PCGF3: variants seen among roughly 807,000 people sequenced by gnomAD.
PCGF3 encodes polycomb group ring finger 3, also known as polycomb group RING finger protein 3.
Under a neutral mutation model 33.1 loss-of-function variants are expected in PCGF3, and 7 were observed. The observed-to-expected ratio is 0.21, with a 90% CI of 0.12 to 0.40. The LOEUF (loss-of-function observed/expected upper bound fraction) is 0.40, where lower values mean the gene tolerates loss of function less well. Among genes scored for constraint, PCGF3 ranks in the 10% least tolerant of loss-of-function variants. The pLI, the probability that PCGF3 is intolerant of heterozygous loss-of-function variation, is 1.00. For synonymous variants in PCGF3, 153 were observed against 121.3 expected (o/e 1.26, Z -1.72); for missense variants, 211 against 313.3 (o/e 0.67, Z 2.46).
At position 743,631 on chromosome 4, in the gene PCGF3, T is replaced by A. The variant is rs746808030; in HGVS notation, c.373+47T>A. 13 of 1,114,842 alleles carry A rather than the reference T, an allele frequency of 1.2e-5. No individual in the cohort carries two copies. In the South Asian group the frequency reaches 1.6e-4, roughly 14 times the overall value. 69.1% of individuals were successfully genotyped at this position (1,114,842 alleles called of 1,614,324 possible). On this transcript the variant is annotated intron_variant, in intron 7 of 10. Coordinates refer to ENST00000362003, the Ensembl canonical transcript of PCGF3. ...CCAGAAGCCCCGGGAATCCCCTGCA[T>A]GAGGCCTTTTCTTAAAGAGCTGGCG... is the stretch of plus-strand genomic sequence containing the variant.
chr4:731,180 G>A (rs1415915286), intron 3 of PCGF3, 70 bp downstream of exon 3: 5 of 398,516 alleles, frequency 1.3e-5, no homozygotes, highest in Non-Finnish European at 2.2e-5. Flanking sequence ...TGGTTGTGGC[G>A]AGGGCCGGCG....
At chr4:744,531 C>A (rs989774262) in intron 7 of PCGF3, 69 bp from the exon 8 acceptor site, 17 of 1,136,486 alleles carry the variant, frequency 1.5e-5, no homozygotes, top group Admixed American at 2.0e-5. Context: ...ATTTGGAGTA[C>A]AGTGTAGTTT....
chr4:725,857 C>T (rs1052311320), intron 1 of PCGF3, among the ~76,000 whole-genome samples: 2 of 152,172 alleles, frequency 1.3e-5, no homozygotes, highest in East Asian at 1.9e-4. Context: ...CAGATGATGA[C>T]GGAGCCTCCT....
chr4:716,392 C>T (rs372763165), intron 1 of PCGF3, among the ~76,000 whole-genome samples: 11,806 of 84,774 alleles, frequency 0.14, 1,050 homozygotes, highest in South Asian at 0.22. Flanking sequence ...GAGAACTGGG[C>T]GTCGGTGCTG....
At chr4:765,761 G>A (rs1745333627) in intron 10 of PCGF3, among the ~76,000 whole-genome samples, 1 of 152,140 alleles carries the variant, frequency 6.6e-6, no homozygotes, top group South Asian at 2.1e-4. Flanking sequence ...TGGCAGCCAG[G>A]GCCACATCAG....
chr4:743,623 C>G (rs780369064), intron 7 of PCGF3, 39 bp downstream of exon 7: 1 of 1,206,596 alleles, frequency 8.3e-7, no homozygotes, highest in Non-Finnish European at 1.2e-6. Context: ...CCCCGGGAAT[C>G]CCCTGCATGA....
chr4:740,882 G>A (rs1317470419), intron 6 of PCGF3, among the ~76,000 whole-genome samples: 2 of 152,264 alleles, frequency 1.3e-5, no homozygotes, highest in East Asian at 3.9e-4. Flanking sequence ...GCCTGCCGGT[G>A]GCTTTGGGCA....
At chr4:724,754 C>T (rs567180652) in intron 1 of PCGF3, among the ~76,000 whole-genome samples, 5 of 152,216 alleles carry the variant, frequency 3.3e-5, no homozygotes, top group African/African-American at 4.8e-5. Flanking sequence ...GCCGAGATCA[C>T]GCCACTGCAC....
chr4:714,175 T>G (rs1742704255), intron 1 of PCGF3, among the ~76,000 whole-genome samples: 1 of 152,086 alleles, frequency 6.6e-6, no homozygotes, highest in Non-Finnish European at 1.5e-5. Flanking sequence ...AGCCCCCAAA[T>G]CTGCGAGCGC....
rs373044113 is a variant in PCGF3 at position 738,242 on chromosome 4, A to G, written c.262+721A>G. 3.8e-4 allele frequency among the ~76,000 whole-genome samples: 58 copies of G among 152,358 alleles called. 1 individual carries two copies. The East Asian group carries it at 0.01, about 27-fold the overall frequency. ...GGGTTGGAATTCAAAACACAGCTGA[A>G]TATGCCAGATCCGTAGAAACCGTAT... On this transcript the variant is annotated intron_variant, in intron 6 of 10. Transcript: ENST00000362003.
chr4:724,207 G>A (rs547579345), intron 1 of PCGF3, among the ~76,000 whole-genome samples: 3 of 152,364 alleles, frequency 2.0e-5, no homozygotes, highest in South Asian at 2.1e-4. Context: ...GGACGAGAGC[G>A]AAGAGGTGGG....
exon 11 of PCGF3, chr4:769,098 G>A (rs968716602): frequency 5.2e-5 from 8 of 152,802 alleles, no homozygotes; most frequent in South Asian, 2.1e-4. Context: ...CTCGGGCCAC[G>A]CTGTGGGGCC....
intron 6 of PCGF3, among the ~76,000 whole-genome samples, chr4:738,862 A>T (rs953877973): frequency 7.9e-5 from 12 of 151,512 alleles, no homozygotes; most frequent in Admixed American, 2.0e-4. Context: ...CCGTCTCAAA[A>T]AAATAAATAA....
chr4:748,429 G>GC (rs1438749920), intron 8 of PCGF3, among the ~76,000 whole-genome samples: 2 of 152,080 alleles, frequency 1.3e-5, no homozygotes, highest in African/African-American at 4.8e-5. Context: ...CGAACTTCTG[G>GC]CCCGCCTCAG....
chr4:713,368 T>C (rs1324039917), intron 1 of PCGF3, among the ~76,000 whole-genome samples: 1 of 135,128 alleles, frequency 7.4e-6, no homozygotes, highest in Non-Finnish European at 1.6e-5. Context: ...GTGTGTCTCA[T>C]GGGAGCCGTG....
chr4:739,445 G>C (rs1383503324), intron 6 of PCGF3, among the ~76,000 whole-genome samples: 1 of 152,178 alleles, frequency 6.6e-6, no homozygotes, highest in Non-Finnish European at 1.5e-5. Flanking sequence ...TCCTGCCTTG[G>C]CCTCCCAAAG....
exon 11 of PCGF3, chr4:768,125 T>C (rs1278016996): frequency 6.5e-5 from 10 of 152,686 alleles, no homozygotes; most frequent in Non-Finnish European, 1.5e-4. Context: ...AGCTGATAGA[T>C]TTAAATACAC....
chr4:749,992 G>C (rs181323695), intron 8 of PCGF3, among the ~76,000 whole-genome samples: 35 of 152,250 alleles, frequency 2.3e-4, no homozygotes, highest in Non-Finnish European at 4.3e-4. Flanking sequence ...TGTAGAGATG[G>C]ATGGAGTCTT....
intron 1 of PCGF3, among the ~76,000 whole-genome samples, chr4:718,251 G>A (rs888736783): frequency 1.3e-5 from 2 of 152,218 alleles, no homozygotes; most frequent in African/African-American, 4.8e-5. Context: ...TGGAGTCGGG[G>A]GGTCTGTGGG....
Sources: allele counts gnomAD v4.1 joint callset (sites outside exome capture counted in the v4.1 genomes callset), GRCh38; gene constraint gnomAD v4.1.1; transcripts MANE v1.5; gene names NCBI Gene and HGNC (gene_info 2026-07-23, HGNC 2026-07-21).